CSGALNACT1: variants seen among roughly 807,000 people sequenced by gnomAD.
CSGALNACT1 encodes beta4GalNAcT-1.
In CSGALNACT1, 52 loss-of-function variants were observed where a neutral mutation model predicts 51.0. The observed-to-expected ratio is 1.02, with a 90% CI of 0.82 to 1.29. CSGALNACT1 has a LOEUF of 1.29. Ranked by LOEUF, CSGALNACT1 falls within the 50% of genes most tolerant of loss-of-function variation. CSGALNACT1 has a pLI of 0.00. For synonymous variants in CSGALNACT1, 341 were observed against 254.4 expected, an observed-to-expected ratio of 1.34 and a Z score of -3.24; for missense variants, 935 against 679.2, an observed-to-expected ratio of 1.38 and a Z score of -4.19.
chr8:19,474,184 C>G (rs1423408092), intron 4 of CSGALNACT1, among the ~76,000 whole-genome samples: 1 of 152,100 alleles, frequency 6.6e-6, no homozygotes, highest in Non-Finnish European at 1.5e-5. Flanking sequence ...GCCTGGATTT[C>G]TTGTCTCTGT....
intron 1 of CSGALNACT1, among the ~76,000 whole-genome samples, chr8:19,661,312 T>C (rs956773601): frequency 3.3e-5 from 5 of 152,322 alleles, no homozygotes; most frequent in Admixed American, 2.6e-4. Context: ...GGACTCTGCC[T>C]AGAGCATGTG....
Position 19,644,057 on chromosome 8 carries a change from TA to T in CSGALNACT1, c.-544+38415del, listed in dbSNP as rs1014743188. ...TTACATGCCTAACATTGGAGAATGCTAAGTTATGGCATATAGATTTTATAAA... is the reference window on the plus strand; with the variant it reads ...TTACATGCCTAACATTGGAGAATGCTAGTTATGGCATATAGATTTTATAAA... On this transcript the variant is annotated intron_variant, in intron 1 of 9. Coordinates refer to the CSGALNACT1 transcript ENST00000332246. 1.6e-3 allele frequency among the ~76,000 whole-genome samples: 247 copies of T among 152,360 alleles called. 8 individuals are homozygous for T. Among genetic ancestry groups the T allele is most frequent in the Admixed American group, 0.015 (233 of 15,306 alleles).
intron 1 of CSGALNACT1, among the ~76,000 whole-genome samples, chr8:19,755,773 C>T (rs1049930878): frequency 3.3e-5 from 5 of 152,192 alleles, no homozygotes; most frequent in Non-Finnish European, 7.3e-5. Context: ...CCCACTAATA[C>T]ATTTTACAAA....
chr8:19,570,662 G>T (rs113193908), intron 3 of CSGALNACT1, among the ~76,000 whole-genome samples: 22 of 152,286 alleles, frequency 1.4e-4, no homozygotes, highest in African/African-American at 4.8e-4. Flanking sequence ...AGCACTTTGG[G>T]AGGCCGAAGT....
intron 1 of CSGALNACT1, among the ~76,000 whole-genome samples, chr8:19,755,866 C>T (rs1241387662): frequency 1.3e-5 from 2 of 152,196 alleles, no homozygotes; most frequent in African/African-American, 4.8e-5. Context: ...TATGGTGTGG[C>T]AGCTCAAGGC....
chr8:19,627,313 G>A (rs906298926), intron 1 of CSGALNACT1, among the ~76,000 whole-genome samples: 3 of 152,162 alleles, frequency 2.0e-5, no homozygotes, highest in Non-Finnish European at 4.4e-5. Flanking sequence ...TTCCACTTAT[G>A]TGGCATTCTC....
At chr8:19,660,561 C>T (rs930697035) in intron 1 of CSGALNACT1, among the ~76,000 whole-genome samples, 1 of 152,070 alleles carries the variant, frequency 6.6e-6, no homozygotes, top group Non-Finnish European at 1.5e-5. Context: ...ACTGTAGCCC[C>T]AACCAGAAAC....
intron 3 of CSGALNACT1, among the ~76,000 whole-genome samples, chr8:19,585,687 T>C (rs997823622): frequency 6.6e-6 from 1 of 152,186 alleles, no homozygotes; most frequent in African/African-American, 2.4e-5. Context: ...TGCTGAGGAA[T>C]GGAGATTCTA....
chr8:19,651,057 C>G (rs934973234), intron 1 of CSGALNACT1, among the ~76,000 whole-genome samples: 9 of 152,126 alleles, frequency 5.9e-5, no homozygotes, highest in African/African-American at 2.2e-4. Context: ...TTCCTCTGGG[C>G]CTTGATGTGA....
At chr8:19,529,830 A>G (rs1228358114) in intron 3 of CSGALNACT1, among the ~76,000 whole-genome samples, 1 of 152,156 alleles carries the variant, frequency 6.6e-6, no homozygotes, top group Non-Finnish European at 1.5e-5. Flanking sequence ...TCATCTCTAC[A>G]TTATTTATAA....
intron 4 of CSGALNACT1, among the ~76,000 whole-genome samples, chr8:19,480,999 A>G (rs1313813266): frequency 6.6e-6 from 1 of 152,084 alleles, no homozygotes; most frequent in African/African-American, 2.4e-5. Context: ...TCAAGTTCCA[A>G]TTGCATGAGG....
upstream of CSGALNACT1, among the ~76,000 whole-genome samples, chr8:19,686,458 C>T (rs768074140): frequency 2.0e-5 from 3 of 152,206 alleles, no homozygotes; most frequent in Non-Finnish European, 4.4e-5. Context: ...TTCCTCTTTG[C>T]ACTGCTCGCT....
At chr8:19,734,526 C>T (rs182367984) in intron 1 of CSGALNACT1, among the ~76,000 whole-genome samples, 1 of 152,344 alleles carries the variant, frequency 6.6e-6, no homozygotes, top group Admixed American at 6.5e-5. Flanking sequence ...TGAACCTCTA[C>T]TACTTCAAGG....
intron 1 of CSGALNACT1, among the ~76,000 whole-genome samples, chr8:19,744,038 A>C (rs2064487679): frequency 6.6e-6 from 1 of 152,242 alleles, no homozygotes; most frequent in African/African-American, 2.4e-5. Context: ...TGGTAATGCC[A>C]GGCTTGCCCT....
At chr8:19,718,901 G>A (rs1242886925) in intron 1 of CSGALNACT1, among the ~76,000 whole-genome samples, 3 of 152,158 alleles carry the variant, frequency 2.0e-5, no homozygotes, top group Non-Finnish European at 2.9e-5. Context: ...TCCCCATCAT[G>A]CTAAGATGTC....
At chr8:19,739,001 A>G (rs1467372094) in intron 1 of CSGALNACT1, among the ~76,000 whole-genome samples, 1 of 152,154 alleles carries the variant, frequency 6.6e-6, no homozygotes, top group Admixed American at 6.5e-5. Flanking sequence ...AAAAAGAGAT[A>G]CTTTTTGAGA....
chr8:19,635,908 T>C (rs988455614), intron 1 of CSGALNACT1, among the ~76,000 whole-genome samples: 1 of 152,098 alleles, frequency 6.6e-6, no homozygotes, highest in African/African-American at 2.4e-5. Flanking sequence ...TTTTGTAGTT[T>C]TAGTAGAGAC....
chr8:19,576,433 T>C (rs2044232275), intron 3 of CSGALNACT1, among the ~76,000 whole-genome samples: 1 of 152,116 alleles, frequency 6.6e-6, no homozygotes, highest in African/African-American at 2.4e-5. Flanking sequence ...CCTCAGATGA[T>C]CCAGTCGCCT....
chr8:19,406,141 C>T, intron 9 of CSGALNACT1, 72 bp from the exon 9 acceptor site: 2 of 1,558,650 alleles, frequency 1.3e-6, no homozygotes, highest in Non-Finnish European at 1.8e-6. Flanking sequence ...GCAACAAGCA[C>T]AAACTTTTCA....
Sources: allele counts gnomAD v4.1 joint callset (sites outside exome capture counted in the v4.1 genomes callset), GRCh38; gene constraint gnomAD v4.1.1; transcripts MANE v1.5; gene names NCBI Gene and HGNC (gene_info 2026-07-23, HGNC 2026-07-21).